Variants in KCNG3 observed in about 807,000 individuals in gnomAD.
The protein encoded by KCNG3 is voltage-gated potassium channel regulatory subunit KCNG3.
In KCNG3, 15 loss-of-function variants were observed where a neutral mutation model predicts 29.0. The ratio of observed to expected loss-of-function variants is 0.52; its 90% confidence interval spans 0.35 to 0.80. KCNG3 has a LOEUF of 0.80. KCNG3 is among the 30% of genes least tolerant of loss of function. The pLI is 0.01. For synonymous variants in KCNG3, 322 were observed against 248.9 expected (o/e 1.29, Z -2.76); for missense variants, 512 against 605.7 (o/e 0.85, Z 1.62).
chr2:42,445,275 G>A (rs545002290), intron 1 of KCNG3, among the ~76,000 whole-genome samples: 2 of 152,048 alleles, frequency 1.3e-5, no homozygotes, highest in Admixed American at 1.3e-4. Context: ...GCTGTGATAC[G>A]AGTTCTGAGG....
chr2:42,492,650 G>C (rs1334013997), intron 1 of KCNG3, among the ~76,000 whole-genome samples, 187 bp downstream of exon 1: 1 of 152,236 alleles, frequency 6.6e-6, no homozygotes. Context: ...GACCCCGCTG[G>C]TGCCCCGGAC....
chr2:42,455,445 G>A (rs1009210008), intron 1 of KCNG3, among the ~76,000 whole-genome samples: 2 of 152,098 alleles, frequency 1.3e-5, no homozygotes, highest in Non-Finnish European at 2.9e-5. Flanking sequence ...ATATTACAAG[G>A]ACAACTATGA....
At chr2:42,474,910 G>A (rs1673385046) in intron 1 of KCNG3, among the ~76,000 whole-genome samples, 1 of 152,136 alleles carries the variant, frequency 6.6e-6, no homozygotes, top group African/African-American at 2.4e-5. Context: ...TACTCCAGTG[G>A]CAGCTGACCC....
chr2:42,438,171 A>G (rs188640805), downstream of KCNG3, among the ~76,000 whole-genome samples: 22 of 152,094 alleles, frequency 1.4e-4, no homozygotes, highest in Non-Finnish European at 7.3e-5. Context: ...AAATCATCGT[A>G]TATTACTACA....
intron 1 of KCNG3, among the ~76,000 whole-genome samples, chr2:42,447,180 C>T (rs1028973217): frequency 6.6e-6 from 1 of 151,422 alleles, no homozygotes; most frequent in Non-Finnish European, 1.5e-5. Flanking sequence ...CAAATATAAT[C>T]ACTTTCTTAT....
chr2:42,417,411 C>A, the KCNG3 span, among the ~76,000 whole-genome samples: 19 of 152,112 alleles, frequency 1.2e-4, no homozygotes, highest in East Asian at 3.5e-3. Context: ...GCCTTGACCT[C>A]CCAGGCTCAA....
At chr2:42,472,089 T>A (rs1673303844) in intron 1 of KCNG3, among the ~76,000 whole-genome samples, 1 of 152,172 alleles carries the variant, frequency 6.6e-6, no homozygotes, top group African/African-American at 2.4e-5. Context: ...GAGATGTGCA[T>A]ACTTTTCAAT....
chr2:42,414,560 T>C, the KCNG3 span, among the ~76,000 whole-genome samples: 1 of 152,080 alleles, frequency 6.6e-6, no homozygotes, highest in African/African-American at 2.4e-5. Context: ...TTTCTTTTTT[T>C]TTTTTTATAT....
chr2:42,424,428 C>T, the KCNG3 span, among the ~76,000 whole-genome samples: 8 of 144,464 alleles, frequency 5.5e-5, no homozygotes, highest in Non-Finnish European at 9.1e-5. Context: ...ATTCCCCCTC[C>T]GTCCCTTTAA....
At chr2:42,476,634 A>C (rs1293473346) in intron 1 of KCNG3, among the ~76,000 whole-genome samples, 1 of 151,340 alleles carries the variant, frequency 6.6e-6, no homozygotes, top group Non-Finnish European at 1.5e-5. Flanking sequence ...TTATAGGCGC[A>C]CACCACCATG....
At chr2:42,412,660 T>C in the KCNG3 span, among the ~76,000 whole-genome samples, 1 of 152,356 alleles carries the variant, frequency 6.6e-6, no homozygotes, top group East Asian at 1.9e-4. Context: ...TATTTCTGCT[T>C]AAATGTTATT....
chr2:42,488,304 T>C (rs763569083), intron 1 of KCNG3, among the ~76,000 whole-genome samples: 1 of 152,228 alleles, frequency 6.6e-6, no homozygotes, highest in Non-Finnish European at 1.5e-5. Context: ...CGGAGGTTCA[T>C]AAAAGTAAAC....
chr2:42,401,174 A>T, the KCNG3 span, among the ~76,000 whole-genome samples: 1 of 149,618 alleles, frequency 6.7e-6, no homozygotes, highest in African/African-American at 2.4e-5. Context: ...TGGTGTATAC[A>T]TGTTTATATG....
At chr2:42,469,940 A>G (rs1219701125) in intron 1 of KCNG3, 1 of 346,402 alleles carries the variant, frequency 2.9e-6, no homozygotes, top group African/African-American at 2.2e-5. Flanking sequence ...ACTGGCCAAC[A>G]AGGCCTGACT....
intron 1 of KCNG3, among the ~76,000 whole-genome samples, chr2:42,488,552 C>G (rs975507277): frequency 7.3e-6 from 1 of 137,008 alleles, no homozygotes; most frequent in African/African-American, 2.7e-5. Flanking sequence ...ATTTTCTTTT[C>G]TTTTTTTTTT....
At chr2:42,403,779 T>C in the KCNG3 span, among the ~76,000 whole-genome samples, 1 of 151,906 alleles carries the variant, frequency 6.6e-6, no homozygotes, top group Non-Finnish European at 1.5e-5. Context: ...TTTTTAGTTT[T>C]TTGTAGAGAT....
the KCNG3 span, among the ~76,000 whole-genome samples, chr2:42,414,543 ACTTT>A: frequency 1.3e-5 from 2 of 148,474 alleles, no homozygotes; most frequent in Admixed American, 1.3e-4. Context: ...TTCTAAATGT[ACTTT>A]CTTTTCTTTT....
intron 1 of KCNG3, among the ~76,000 whole-genome samples, chr2:42,460,441 G>A (rs1393591977): frequency 3.9e-5 from 6 of 152,138 alleles, no homozygotes; most frequent in Admixed American, 2.0e-4. Flanking sequence ...GAAAGTTTGC[G>A]ACCTAGCAAA....
chr2:42,409,041 C>A, the KCNG3 span, among the ~76,000 whole-genome samples: 1 of 152,120 alleles, frequency 6.6e-6, no homozygotes, highest in Non-Finnish European at 1.5e-5. Context: ...AGCTGCCCAC[C>A]CCACTGCAGC....
Sources: allele counts gnomAD v4.1 joint callset (sites outside exome capture counted in the v4.1 genomes callset), GRCh38; gene constraint gnomAD v4.1.1; transcripts MANE v1.5; gene names NCBI Gene and HGNC (gene_info 2026-07-23, HGNC 2026-07-21).